The following ZNF232 variants were observed in gnomAD, a reference collection of about 807,000 sequenced individuals.
ZNF232 encodes zinc finger protein 232.
A neutral mutation model predicts 25.2 loss-of-function variants in ZNF232; 25 were observed. That is an observed-to-expected ratio of 0.99 (90% CI 0.72 to 1.39). The LOEUF is 1.39. ZNF232 is among the 40% of genes most tolerant of loss of function. ZNF232 has a pLI of 0.00. For missense variants in ZNF232, 519 were observed against 520.9 expected (o/e 1.00, Z 0.04); for synonymous variants, 193 against 182.9 (o/e 1.06, Z -0.45).
chr17:5,118,068 CAAA>C (rs57176092), intron 1 of ZNF232: 2 of 109,106 alleles, frequency 1.8e-5, no homozygotes, highest in South Asian at 2.9e-4. Context: ...GACTCCGTCT[CAAA>C]AAAAAAAAAA....
At position 5,109,726 on chromosome 17, in the gene ZNF232, C is replaced by G. The variant is rs1175307127; in HGVS notation, c.166G>C (p.Glu56Gln). ...TCATACTCACAAGACTGTTCCTCTT[C>G]CTTTGGTCCCATCATCATCATCTTC... Residue 56 changes from glutamate (E) to glutamine (Q), a missense_variant, in exon 2 of 4, where the codon GAA (glutamate) becomes CAA (glutamine). Coordinates refer to ENST00000575898, the Ensembl canonical transcript of ZNF232. The G allele has an allele frequency of 3.1e-6, 5 of 1,614,148 alleles. No individual in the cohort carries two copies. Among genetic ancestry groups the G allele is most frequent in the Non-Finnish European group, 4.2e-6 (5 of 1,180,036 alleles).
intron 1 of ZNF232, among the ~76,000 whole-genome samples, chr17:5,119,628 T>C (rs2072607175): frequency 6.6e-6 from 1 of 152,172 alleles, no homozygotes; most frequent in South Asian, 2.1e-4. Flanking sequence ...TCTTCCCAAA[T>C]AGACTTCATT....
upstream of ZNF232, chr17:5,111,858 T>G (rs763903847): frequency 6.2e-6 from 10 of 1,613,258 alleles, no homozygotes; most frequent in Non-Finnish European, 7.6e-6. Context: ...CTTACAGCCC[T>G]CACCCCAGGG....
chr17:5,111,968 C>CCAAA, upstream of ZNF232: 1 of 1,243,984 alleles, frequency 8.0e-7, no homozygotes, highest in Non-Finnish European at 1.1e-6. Flanking sequence ...GGCGCGTGGG[C>CCAAA]GCTGCCGAGA....
At chr17:5,111,610 C>T (rs894091376) in intron 1 of ZNF232, 190 bp downstream of exon 1, 15 of 769,344 alleles carry the variant, frequency 1.9e-5, no homozygotes, top group African/African-American at 1.8e-4. Flanking sequence ...TCAAGACCCC[C>T]CTCCACGGCA....
chr17:5,117,386 C>T (rs1414735237), intron 1 of ZNF232, among the ~76,000 whole-genome samples: 3 of 152,022 alleles, frequency 2.0e-5, no homozygotes, highest in South Asian at 2.1e-4. Flanking sequence ...TGTGGAGGCA[C>T]ACACCTGTAA....
intron 3 of ZNF232, among the ~76,000 whole-genome samples, chr17:5,108,533 A>T (rs76494640): frequency 4.6e-5 from 7 of 151,794 alleles, no homozygotes; most frequent in Non-Finnish European, 1.0e-4. Context: ...AAAAAAAAAA[A>T]GGATCTCAAG....
At chr17:5,115,115 G>C (rs1221307100), upstream of ZNF232, 2 of 150,088 alleles carry the variant, frequency 1.3e-5, no homozygotes, top group African/African-American at 4.9e-5. Flanking sequence ...AAAAGTCAAA[G>C]CTAAAAATTC....
intron 2 of ZNF232, 42 bp from the exon 3 acceptor site, chr17:5,109,094 A>G (rs369275188): frequency 2.3e-5 from 37 of 1,612,708 alleles, no homozygotes; most frequent in Non-Finnish European, 2.9e-5. Flanking sequence ...TTTTCTTCAA[A>G]TTACTAGTGT....
Position 5,106,639 on chromosome 17 carries a change from C to T in ZNF232, c.626-133G>A. On this transcript the variant is annotated intron_variant, in intron 3 of 3. Transcript: ENST00000575898. ...ATGACAAACATTCGAAGAATATTTA[C>T]TGGATATTGCCAACAGTTATCTCTT... 3 of 959,912 alleles carry T rather than the reference C, an allele frequency of 3.1e-6. No homozygotes were observed. In the South Asian group the frequency reaches 5.3e-5, roughly 17 times the overall value. 59.5% of individuals were successfully genotyped at this position (959,912 alleles called of 1,614,324 possible).
intron 1 of ZNF232, among the ~76,000 whole-genome samples, chr17:5,119,674 C>T (rs540979522): frequency 1.3e-5 from 2 of 152,286 alleles, no homozygotes; most frequent in South Asian, 4.1e-4. Flanking sequence ...AGTTAACTAA[C>T]TAATGAGTAA....
At chr17:5,122,337 C>T (rs2072702658) in intron 1 of ZNF232, among the ~76,000 whole-genome samples, 1 of 152,074 alleles carries the variant, frequency 6.6e-6, no homozygotes, top group Non-Finnish European at 1.5e-5. Flanking sequence ...GTGGTGACAC[C>T]ATCAGCCACA....
At chr17:5,106,410 G>T in exon 4 of ZNF232, 1 of 1,614,208 alleles carries the variant, frequency 6.2e-7, no homozygotes, top group Non-Finnish European at 8.5e-7. Flanking sequence ...GGTGTCAGTA[G>T]CAAGTTTTTC....
At position 5,111,796 on chromosome 17, in the gene ZNF232, T is replaced by C; in HGVS notation, c.23+4A>G. The C allele has an allele frequency of 1.2e-6, 2 of 1,613,736 alleles. No homozygotes were observed. The highest frequency in any genetic ancestry group is 1.7e-6 in the Non-Finnish European group (2 of 1,179,846). On this transcript the variant is annotated splice_donor_region_variant and intron_variant, in intron 1 of 3. Transcript: ENST00000575898. ...ACCTCGGGGAAGCCGCCGCCAACAC[T>C]CACCTCACAGGACCAGGAGGTTCCA...
intron 2 of ZNF232, 90 bp downstream of exon 2, chr17:5,109,304 G>C (rs2143596696): frequency 6.6e-7 from 1 of 1,512,486 alleles, no homozygotes; most frequent in East Asian, 2.3e-5. Context: ...AGAGAGGTTT[G>C]AACTTGGCAC....
intron 1 of ZNF232, 177 bp downstream of exon 1, chr17:5,111,623 T>C (rs2072412553): frequency 4.5e-6 from 4 of 879,294 alleles, no homozygotes; most frequent in Middle Eastern, 3.3e-4. Context: ...CCACGGCACG[T>C]GACGCGACGC....
chr17:5,111,942 C>A (rs924220250), upstream of ZNF232: 8 of 1,444,260 alleles, frequency 5.5e-6, no homozygotes, highest in Admixed American at 2.3e-5. Flanking sequence ...GGCTTCCGTT[C>A]GCGGACTTTG....
upstream of ZNF232, chr17:5,111,997 C>T (rs1567759815): frequency 1.1e-6 from 1 of 944,984 alleles, no homozygotes; most frequent in Non-Finnish European, 1.5e-6. Flanking sequence ...GCCCGGGAAC[C>T]GGTTCCTGGA....
At chr17:5,116,261 C>T (rs2072534729), upstream of ZNF232, among the ~76,000 whole-genome samples, 1 of 151,944 alleles carries the variant, frequency 6.6e-6, no homozygotes, top group Admixed American at 6.5e-5. Flanking sequence ...TGCTCGACGC[C>T]ACTCCCGGCC....
Sources: gnomAD v4.1 joint callset for allele counts (sites outside exome capture counted in the v4.1 genomes callset) on GRCh38, gnomAD v4.1.1 for gene constraint, MANE v1.5 for transcripts, NCBI Gene and HGNC (gene_info 2026-07-23, HGNC 2026-07-21) for gene names.